The following SPATA17 variants were observed in gnomAD, a reference collection of about 807,000 sequenced individuals.
SPATA17 encodes spermatogenesis-associated protein 17.
Under a neutral mutation model 62.2 loss-of-function variants are expected in SPATA17, and 53 were observed. The observed-to-expected ratio is 0.85, with a 90% CI of 0.68 to 1.07. The LOEUF is 1.07. Among genes scored for constraint, SPATA17 ranks in the 50% least tolerant of loss-of-function variants. The pLI, the probability that SPATA17 is intolerant of heterozygous loss-of-function variation, is 0.00. For synonymous variants in SPATA17, 146 were observed against 146.8 expected (o/e 0.99, Z 0.04); for missense variants, 466 against 425.5 (o/e 1.10, Z -0.84).
intron 9 of SPATA17, among the ~76,000 whole-genome samples, chr1:217,855,884 G>A (rs1026167290): frequency 1.3e-5 from 2 of 151,780 alleles, no homozygotes; most frequent in African/African-American, 2.4e-5. Context: ...GTGCCACCAA[G>A]TCCAGCTAAT....
rs558684201 is a variant in SPATA17 at position 217,737,007 on chromosome 1, T to C, written c.396-4968T>C. ...TTGCGTGCTTTGGAAAACTAATATA[T>C]GTAATACAAAGCTACCTCTTCAGAA... On this transcript the variant is annotated intron_variant, in intron 5 of 10. Coordinates refer to ENST00000366933, the MANE Select transcript of SPATA17 (RefSeq NM_138796.4). 2.5e-4 allele frequency among the ~76,000 whole-genome samples: 38 copies of C among 152,202 alleles called. 1 individual carries two copies. The highest frequency in any genetic ancestry group is 3.7e-4 in the Non-Finnish European group (25 of 68,006).
At chr1:217,748,251 C>G (rs1396259091) in intron 6 of SPATA17, among the ~76,000 whole-genome samples, 1 of 142,110 alleles carries the variant, frequency 7.0e-6, no homozygotes, top group Non-Finnish European at 1.5e-5. Flanking sequence ...TGCAGTGAGC[C>G]GAGATCGCAC....
chr1:217,791,585 T>A (rs950175121), intron 8 of SPATA17, among the ~76,000 whole-genome samples: 1 of 152,220 alleles, frequency 6.6e-6, no homozygotes, highest in East Asian at 1.9e-4. Flanking sequence ...CACCTGCGTC[T>A]AAAGAAGCTT....
chr1:217,694,719 G>T (rs1262406702), intron 5 of SPATA17, among the ~76,000 whole-genome samples: 1 of 151,382 alleles, frequency 6.6e-6, no homozygotes, highest in Non-Finnish European at 1.5e-5. Flanking sequence ...ATTTGCTTGT[G>T]TGTAAAGGAT....
chr1:217,813,843 A>G (rs1024471776), intron 9 of SPATA17, among the ~76,000 whole-genome samples: 1 of 152,030 alleles, frequency 6.6e-6, no homozygotes, highest in Non-Finnish European at 1.5e-5. Flanking sequence ...TGTATACTCT[A>G]GTCTACTATG....
chr1:217,730,243 A>C (rs1224577933), intron 5 of SPATA17, among the ~76,000 whole-genome samples: 1 of 148,448 alleles, frequency 6.7e-6, no homozygotes, highest in Non-Finnish European at 1.5e-5. Context: ...TTTGAGATGG[A>C]GTCTCACTCT....
chr1:217,831,023 A>G (rs1321155675), intron 9 of SPATA17, among the ~76,000 whole-genome samples: 1 of 152,152 alleles, frequency 6.6e-6, no homozygotes, highest in Non-Finnish European at 1.5e-5. Flanking sequence ...TATTAAATCT[A>G]TTCCAGGAGC....
chr1:217,853,401 G>A (rs1290948692), intron 9 of SPATA17, among the ~76,000 whole-genome samples: 2 of 152,042 alleles, frequency 1.3e-5, no homozygotes, highest in Non-Finnish European at 1.5e-5. Context: ...AATAATAGTA[G>A]ACAATATTTT....
intron 7 of SPATA17, among the ~76,000 whole-genome samples, chr1:217,776,258 G>A (rs1673586549): frequency 1.3e-5 from 2 of 152,110 alleles, no homozygotes; most frequent in African/African-American, 4.8e-5. Context: ...AAGTCCCGGA[G>A]AGCCACAGGT....
chr1:217,659,445 T>C (rs1670517760), intron 3 of SPATA17, among the ~76,000 whole-genome samples: 1 of 152,048 alleles, frequency 6.6e-6, no homozygotes, highest in Non-Finnish European at 1.5e-5. Flanking sequence ...TATAAAATAA[T>C]TTTATATTAA....
chr1:217,701,515 T>A (rs1271689861), intron 5 of SPATA17, among the ~76,000 whole-genome samples: 2 of 151,850 alleles, frequency 1.3e-5, no homozygotes, highest in East Asian at 1.9e-4. Context: ...TCTCCCAAGT[T>A]GCTGGGATTA....
At position 217,655,113 on chromosome 1, in the gene SPATA17, T is replaced by A. The variant is rs117149008; in HGVS notation, c.240+3935T>A. On this transcript the variant is annotated intron_variant, in intron 3 of 10. Transcript: ENST00000366933. ...CATATTTTACTGATTGTACCAGTAATGTCATTTATAGCAAAAAATCTTTTC... is the reference window on the plus strand; with the variant it reads ...CATATTTTACTGATTGTACCAGTAAAGTCATTTATAGCAAAAAATCTTTTC... Among the ~76,000 whole-genome samples the A allele has an allele frequency of 1.0e-3, 154 of 152,328 alleles. 2 individuals carry two copies. In the East Asian group the frequency reaches 0.025, roughly 25 times the overall value.
chr1:217,805,292 C>T (rs1258976083), intron 9 of SPATA17, among the ~76,000 whole-genome samples: 2 of 152,088 alleles, frequency 1.3e-5, no homozygotes, highest in Non-Finnish European at 2.9e-5. Context: ...AATACAAATA[C>T]TGCATGGTCT....
chr1:217,737,670 A>G (rs1290472981), intron 5 of SPATA17, among the ~76,000 whole-genome samples: 2 of 152,038 alleles, frequency 1.3e-5, no homozygotes, highest in Non-Finnish European at 2.9e-5. Context: ...AGTGAGATAT[A>G]GTTATGAACA....
intron 1 of SPATA17, among the ~76,000 whole-genome samples, chr1:217,638,383 A>G (rs2102875296): frequency 6.6e-6 from 1 of 152,280 alleles, no homozygotes; most frequent in Non-Finnish European, 1.5e-5. Flanking sequence ...GCTGGAATAC[A>G]ATAGAGATGG....
rs749158589 is a variant in SPATA17 at position 217,651,195 on chromosome 1, C to G, written c.240+17C>G. ...ACTGTGCAGGTAAATATAAAATGTA[C>G]ATATGTTAGCATTTGAATTGTACAA... On this transcript the variant is annotated intron_variant, in intron 3 of 10. Transcript: ENST00000366933. The G allele has an allele frequency of 3.2e-6, 5 of 1,547,862 alleles. No homozygotes were observed. Among genetic ancestry groups the G allele is most frequent in the Non-Finnish European group, 4.4e-6 (5 of 1,132,708 alleles).
chr1:217,707,731 C>A (rs1426665478), intron 5 of SPATA17, among the ~76,000 whole-genome samples: 1 of 152,106 alleles, frequency 6.6e-6, no homozygotes, highest in African/African-American at 2.4e-5. Flanking sequence ...GTACTTTCCA[C>A]CCCAAAACAA....
At chr1:217,759,529 T>G (rs1317516732) in intron 6 of SPATA17, among the ~76,000 whole-genome samples, 3 of 152,128 alleles carry the variant, frequency 2.0e-5, no homozygotes, top group Non-Finnish European at 4.4e-5. Flanking sequence ...AAGGAAAACC[T>G]TTCTGTGGTG....
intron 5 of SPATA17, among the ~76,000 whole-genome samples, chr1:217,729,998 A>T (rs913097238): frequency 3.3e-5 from 5 of 152,216 alleles, no homozygotes; most frequent in Non-Finnish European, 7.3e-5. Context: ...TACAAAGGAC[A>T]TGGGGACCAC....
Sources: gnomAD v4.1 joint callset for allele counts (sites outside exome capture counted in the v4.1 genomes callset) on GRCh38, gnomAD v4.1.1 for gene constraint, MANE v1.5 for transcripts, NCBI Gene and HGNC (gene_info 2026-07-23, HGNC 2026-07-21) for gene names.